The following BRINP3 variants were observed in gnomAD, a reference collection of about 807,000 sequenced individuals.
The protein encoded by BRINP3 is BMP/retinoic acid-inducible neural-specific protein 3.
In BRINP3, 19 loss-of-function variants were observed where a neutral mutation model predicts 71.0. The ratio of observed to expected loss-of-function variants is 0.27; its 90% CI spans 0.19 to 0.39. The LOEUF (loss-of-function observed/expected upper bound fraction) is 0.39. BRINP3 is among the 10% of genes least tolerant of loss of function. BRINP3 has a pLI of 1.00. For synonymous variants in BRINP3, 380 were observed against 337.7 expected, an observed-to-expected ratio of 1.13 and a Z score of -1.37; for missense variants, 959 against 940.8, an observed-to-expected ratio of 1.02 and a Z score of -0.25.
At chr1:190,472,951 C>T (rs1485439478) in intron 1 of BRINP3, among the ~76,000 whole-genome samples, 1 of 151,538 alleles carries the variant, frequency 6.6e-6, no homozygotes, top group Non-Finnish European at 1.5e-5. Context: ...ATGTACATTT[C>T]TATGATGATG....
chr1:190,303,120 T>A (rs2103003410), intron 2 of BRINP3, among the ~76,000 whole-genome samples: 1 of 151,836 alleles, frequency 6.6e-6, no homozygotes, highest in East Asian at 1.9e-4. Flanking sequence ...TTTTCCAAGT[T>A]TCTGAATATA....
intron 7 of BRINP3, among the ~76,000 whole-genome samples, chr1:190,104,597 TA>T: frequency 2.0e-5 from 3 of 152,196 alleles, no homozygotes; most frequent in Admixed American, 2.0e-4. Context: ...TTCACCTTTT[TA>T]AAAATAGATG....
At chr1:190,136,829 C>T (rs555694277) in intron 7 of BRINP3, among the ~76,000 whole-genome samples, 5 of 152,104 alleles carry the variant, frequency 3.3e-5, no homozygotes, top group African/African-American at 9.6e-5. Context: ...ATGGGATAAT[C>T]ATGGTTGCCA....
intron 6 of BRINP3, among the ~76,000 whole-genome samples, chr1:190,220,091 A>G (rs1016704264): frequency 2.0e-5 from 3 of 152,104 alleles, no homozygotes; most frequent in Admixed American, 1.3e-4. Context: ...ATTCAGGTAT[A>G]GAACGATCTG....
intron 2 of BRINP3, among the ~76,000 whole-genome samples, chr1:190,365,732 A>G (rs1669449425): frequency 6.8e-6 from 1 of 146,060 alleles, no homozygotes; most frequent in South Asian, 2.1e-4. Context: ...ATATTAAATG[A>G]ATATTATAAC....
intron 7 of BRINP3, among the ~76,000 whole-genome samples, chr1:190,128,897 A>G (rs1471511972): frequency 6.6e-6 from 1 of 151,788 alleles, no homozygotes; most frequent in Non-Finnish European, 1.5e-5. Flanking sequence ...ACACTAGATC[A>G]AAAAAGATCT....
At chr1:190,384,217 T>C (rs1421927389) in intron 2 of BRINP3, among the ~76,000 whole-genome samples, 1 of 151,708 alleles carries the variant, frequency 6.6e-6, no homozygotes, top group Non-Finnish European at 1.5e-5. Context: ...TTTGTTAGTA[T>C]AGTGTCATGA....
At chr1:190,419,559 G>T (rs1673225645) in intron 2 of BRINP3, among the ~76,000 whole-genome samples, 1 of 151,844 alleles carries the variant, frequency 6.6e-6, no homozygotes, top group Non-Finnish European at 1.5e-5. Flanking sequence ...TGAGGAAGTA[G>T]CTTATACCAA....
intron 2 of BRINP3, among the ~76,000 whole-genome samples, chr1:190,356,265 G>T (rs1668721956): frequency 6.6e-6 from 1 of 151,982 alleles, no homozygotes; most frequent in African/African-American, 2.4e-5. Context: ...TTATTTAAAT[G>T]AATGGATGGT....
chr1:190,153,426 C>T (rs542737512), intron 7 of BRINP3, among the ~76,000 whole-genome samples: 1 of 151,778 alleles, frequency 6.6e-6, no homozygotes, highest in East Asian at 1.9e-4. Flanking sequence ...GCACTGGGTA[C>T]TTCATATTTC....
At chr1:190,108,248 T>A (rs1188080947) in intron 7 of BRINP3, among the ~76,000 whole-genome samples, 1 of 152,034 alleles carries the variant, frequency 6.6e-6, no homozygotes. Flanking sequence ...CTCAGAATCA[T>A]AACCGCATTA....
In BRINP3 at chr1:190,381,793, G is replaced by C. The variant is rs1406308597; in HGVS notation, c.236+72862C>G. Among the ~76,000 whole-genome samples the C allele has an allele frequency of 2.6e-5, 4 of 152,038 alleles. No homozygotes were observed. In the East Asian group the frequency reaches 7.7e-4, roughly 29 times the overall value. On this transcript the variant is annotated intron_variant, in intron 2 of 7. Transcript: ENST00000367462. ...ACACACGGATGACTTGTAGGTCCTA[G>C]GCATATGGATCAGTACTTATTTCCA...
At chr1:190,288,258 C>T (rs955977025) in intron 2 of BRINP3, among the ~76,000 whole-genome samples, 1 of 151,710 alleles carries the variant, frequency 6.6e-6, no homozygotes, top group Admixed American at 6.6e-5. Context: ...AGTCAAGAGG[C>T]ATAGACATAT....
chr1:190,463,244 G>A (rs1012833252), intron 1 of BRINP3, among the ~76,000 whole-genome samples: 5 of 151,638 alleles, frequency 3.3e-5, no homozygotes, highest in Admixed American at 1.3e-4. Flanking sequence ...AACAATGGGA[G>A]ACATAATAAA....
intron 1 of BRINP3, among the ~76,000 whole-genome samples, chr1:190,472,906 A>G (rs1285412991): frequency 6.6e-6 from 1 of 151,704 alleles, no homozygotes; most frequent in Non-Finnish European, 1.5e-5. Context: ...ATAACTTTGC[A>G]TGGAGAAAAT....
chr1:190,460,821 C>A (rs1367247546), intron 1 of BRINP3, among the ~76,000 whole-genome samples: 2 of 152,178 alleles, frequency 1.3e-5, no homozygotes, highest in Non-Finnish European at 2.9e-5. Context: ...ATGACTTTGA[C>A]CTACCTTCTC....
At chr1:190,122,910 T>A (rs1021903925) in intron 7 of BRINP3, among the ~76,000 whole-genome samples, 3 of 152,212 alleles carry the variant, frequency 2.0e-5, no homozygotes, top group Non-Finnish European at 4.4e-5. Flanking sequence ...TAAAGATGCA[T>A]GAATCTGAGG....
rs140186368 is a variant in BRINP3 at position 190,372,098 on chromosome 1, G to A, written c.236+82557C>T. On this transcript the variant is annotated intron_variant, in intron 2 of 7. Transcript: ENST00000367462. ...CTTCTCCAGGGCACAGTGGGAAGAG[G>A]TGAAAGACTGCAGGCCTGACAGGCT... Among the ~76,000 whole-genome samples the A allele has an allele frequency of 5.3e-5, 8 of 152,252 alleles. No homozygotes were observed. In the East Asian group the frequency reaches 1.4e-3, roughly 26 times the overall value.
chr1:190,205,755 TA>T (rs1655440326), intron 6 of BRINP3, among the ~76,000 whole-genome samples: 2 of 151,988 alleles, frequency 1.3e-5, no homozygotes, highest in Non-Finnish European at 2.9e-5. Context: ...AATACAAAGA[TA>T]GTCCTTTTCT....
Sources: gnomAD v4.1 joint callset for allele counts (sites outside exome capture counted in the v4.1 genomes callset) on GRCh38, gnomAD v4.1.1 for gene constraint, MANE v1.5 for transcripts, NCBI Gene and HGNC (gene_info 2026-07-23, HGNC 2026-07-21) for gene names.